Variants in SPATS1 observed in about 807,000 individuals in gnomAD.
SPATS1 encodes the protein spermatogenesis-associated serine-rich protein 1.
Under a neutral mutation model 33.6 loss-of-function variants are expected in SPATS1, and 23 were observed. That is an observed-to-expected ratio of 0.68 (90% CI 0.49 to 0.97). The LOEUF (loss-of-function observed/expected upper bound fraction) is 0.97, where lower values mean the gene tolerates loss of function less well. Ranked by LOEUF, SPATS1 falls within the 50% of genes least tolerant of loss-of-function variation. The probability of loss-of-function intolerance (pLI) is 0.00; values close to 1 mark genes in which losing one functional copy is unlikely to be tolerated. For missense variants in SPATS1, 327 were observed against 361.0 expected, an observed-to-expected ratio of 0.91 and a Z score of 0.76; for synonymous variants, 131 against 125.6, an observed-to-expected ratio of 1.04 and a Z score of -0.29.
At chr6:44,371,704 G>A (rs1789624059) in intron 7 of SPATS1, among the ~76,000 whole-genome samples, 1 of 152,160 alleles carries the variant, frequency 6.6e-6, no homozygotes, top group Non-Finnish European at 1.5e-5. Context: ...CCAGCACTTT[G>A]GGAGGCTGAG....
chr6:44,355,460 T>G (rs1788531643), intron 3 of SPATS1, among the ~76,000 whole-genome samples: 1 of 152,242 alleles, frequency 6.6e-6, no homozygotes, highest in African/African-American at 2.4e-5. Context: ...GAGAGAATTT[T>G]CTCATACCTT....
intron 8 of SPATS1, 37 bp from the exon 9 acceptor site, chr6:44,376,998 T>A (rs749394089): frequency 2.4e-5 from 38 of 1,613,720 alleles, no homozygotes; most frequent in Non-Finnish European, 3.2e-5. Flanking sequence ...AGTTTTGTAA[T>A]GGAAGAAAAC....
At chr6:44,361,508 A>T in intron 4 of SPATS1, 1 of 985,446 alleles carries the variant, frequency 1.0e-6, no homozygotes, top group Non-Finnish European at 1.2e-6. Context: ...ATTGTATCAC[A>T]GGTACTTGTA....
In SPATS1 at chr6:44,370,088, C is replaced by T. The variant is rs1789511156; in HGVS notation, c.733C>T (p.Leu245Phe). The T allele has an allele frequency of 1.9e-6, 3 of 1,612,434 alleles. No individual in the cohort carries two copies. Among genetic ancestry groups the T allele is most frequent in the Non-Finnish European group, 1.7e-6 (2 of 1,178,868 alleles). The stretch of plus-strand genomic sequence containing the variant: ...AAAGAAATTTGATACATTTATTCCA[C>T]TTGAGCCTCTTCCACAAATTCCCAA... ...YEKKFDTFIP[L>F]EPLPQIPNLP... Residue 245 changes from leucine to phenylalanine, a missense_variant, in exon 7 of 9, where the codon CTT (leucine) becomes TTT (phenylalanine). Physicochemically the swap from Leu to Phe is conservative, Grantham distance 22. Coordinates refer to ENST00000674044, the MANE Select transcript of SPATS1 (RefSeq NM_001372081.1).
chr6:44,370,302 T>A (rs1179009820), intron 7 of SPATS1, among the ~76,000 whole-genome samples, 189 bp downstream of exon 7: 1 of 152,176 alleles, frequency 6.6e-6, no homozygotes, highest in Non-Finnish European at 1.5e-5. Context: ...ATTGGGATGG[T>A]CACATATTCA....
chr6:44,375,655 C>G (rs1169409485), intron 7 of SPATS1, among the ~76,000 whole-genome samples: 1 of 151,994 alleles, frequency 6.6e-6, no homozygotes, highest in African/African-American at 2.4e-5. Flanking sequence ...ACTAAAAATA[C>G]AAAAATTAGC....
At chr6:44,347,018 T>C (rs1029011078) in intron 2 of SPATS1, among the ~76,000 whole-genome samples, 1 of 152,174 alleles carries the variant, frequency 6.6e-6, no homozygotes, top group Non-Finnish European at 1.5e-5. Context: ...ACGTGGCACA[T>C]ATACACCATG....
At chr6:44,342,861 G>A in intron 1 of SPATS1, 93 bp downstream of exon 1, 2 of 1,295,102 alleles carry the variant, frequency 1.5e-6, no homozygotes, top group Non-Finnish European at 2.1e-6. Flanking sequence ...CCTTGAGCTG[G>A]ATGGGGGCTG....
intron 4 of SPATS1, 109 bp downstream of exon 4, chr6:44,360,679 G>A: frequency 1.5e-6 from 2 of 1,328,632 alleles, no homozygotes; most frequent in Non-Finnish European, 2.0e-6. Flanking sequence ...AGCATTTGAT[G>A]TACTTTATCT....
rs1789366337 is a variant in SPATS1, at chr6:44,368,281, C to T, written c.575-98C>T. On this transcript the variant is annotated intron_variant, in intron 5 of 8. Transcript: ENST00000674044. ...CTTCTATGTAATTTATAATAAAATA[C>T]TAAAATATCCTCTTTCCATTGTCAT... 4 of 1,191,930 alleles carry T rather than the reference C, an allele frequency of 3.4e-6. No homozygotes were observed. The South Asian group carries it at 7.8e-5, about 23-fold the overall frequency. 73.8% of individuals were successfully genotyped at this position (1,191,930 alleles called of 1,614,324 possible). A position where few individuals can be genotyped will look rare whatever the true frequency, so the allele number is the denominator to read the frequency against.
chr6:44,365,041 G>A (rs1342948353), intron 5 of SPATS1, among the ~76,000 whole-genome samples: 1 of 151,996 alleles, frequency 6.6e-6, no homozygotes, highest in Non-Finnish European at 1.5e-5. Context: ...CACCCGCCTC[G>A]GCCTCCCAAA....
At chr6:44,346,377 A>G (rs914081877) in intron 2 of SPATS1, among the ~76,000 whole-genome samples, 2 of 151,928 alleles carry the variant, frequency 1.3e-5, no homozygotes, top group East Asian at 1.9e-4. Context: ...GGCTATATGT[A>G]TGTGTTATTT....
chr6:44,352,574 A>G, intron 2 of SPATS1, 152 bp from the exon 3 acceptor site: 1 of 647,348 alleles, frequency 1.5e-6, no homozygotes, highest in Admixed American at 2.9e-5. Context: ...AAATGGAATA[A>G]TATGTGTAAA....
chr6:44,362,064 C>T, intron 5 of SPATS1, 72 bp downstream of exon 5: 1 of 1,580,628 alleles, frequency 6.3e-7, no homozygotes, highest in Non-Finnish European at 8.7e-7. Context: ...ATAGGCCCTG[C>T]ATTCTGTAGC....
chr6:44,369,148 G>A (rs911058137), intron 6 of SPATS1, among the ~76,000 whole-genome samples: 5 of 151,920 alleles, frequency 3.3e-5, no homozygotes, highest in Non-Finnish European at 5.9e-5. Context: ...CGCCCGCCTT[G>A]GCCTCCCAAA....
chr6:44,368,672 A>G (rs9472266), intron 6 of SPATS1, among the ~76,000 whole-genome samples, 173 bp downstream of exon 6: 5,039 of 152,330 alleles, frequency 0.033, 258 homozygotes, highest in African/African-American at 0.11. Flanking sequence ...GCATGTGTAT[A>G]ATTAAAATTA....
chr6:44,367,794 C>T (rs555557016), intron 5 of SPATS1, among the ~76,000 whole-genome samples: 4 of 152,292 alleles, frequency 2.6e-5, no homozygotes, highest in East Asian at 3.9e-4. Context: ...AGGCTGATGC[C>T]TTCCACTCCC....
At chr6:44,365,194 C>G (rs1789171988) in intron 5 of SPATS1, among the ~76,000 whole-genome samples, 2 of 152,172 alleles carry the variant, frequency 1.3e-5, no homozygotes, top group African/African-American at 4.8e-5. Context: ...AAAAATCAAT[C>G]AAAATATCTT....
At chr6:44,348,658 G>C (rs1242453648) in intron 2 of SPATS1, among the ~76,000 whole-genome samples, 2 of 150,806 alleles carry the variant, frequency 1.3e-5, no homozygotes, top group Non-Finnish European at 2.9e-5. Context: ...CATGTAGAAC[G>C]TGTGTTCATA....
Sources: allele counts gnomAD v4.1 joint callset (sites outside exome capture counted in the v4.1 genomes callset), GRCh38; gene constraint gnomAD v4.1.1; transcripts MANE v1.5; gene names NCBI Gene and HGNC (gene_info 2026-07-23, HGNC 2026-07-21).